The following XPOT variants were observed in gnomAD, a reference collection of about 807,000 sequenced individuals.
XPOT encodes the protein exportin-T.
XPOT carries 34 observed loss-of-function variants against 128.2 expected under a neutral mutation model. The observed-to-expected ratio is 0.27, with a 90% CI of 0.20 to 0.35. The LOEUF (loss-of-function observed/expected upper bound fraction) is 0.35. XPOT is among the 10% of genes least tolerant of loss of function. The pLI is 1.00. For synonymous variants in XPOT, 348 were observed against 394.3 expected, an observed-to-expected ratio of 0.88 and a Z score of 1.39; for missense variants, 838 against 1,125.3, an observed-to-expected ratio of 0.74 and a Z score of 3.65.
intron 9 of XPOT, 147 bp from the exon 10 acceptor site, chr12:64,422,858 G>T: frequency 1.6e-6 from 1 of 632,958 alleles, no homozygotes. Flanking sequence ...AGCCATGACT[G>T]CGCCACTGCA....
At chr12:64,430,958 TG>T (rs1459207984) in intron 17 of XPOT, among the ~76,000 whole-genome samples, 1 of 152,076 alleles carries the variant, frequency 6.6e-6, no homozygotes, top group Non-Finnish European at 1.5e-5. Context: ...CTTTTTTTTG[TG>T]GGGGAGACAC....
intron 16 of XPOT, 86 bp downstream of exon 16, chr12:64,428,206 A>G (rs943369225): frequency 9.8e-6 from 9 of 915,414 alleles, no homozygotes; most frequent in Non-Finnish European, 1.5e-5. Context: ...GGCATTTAAA[A>G]AAAAAAATTG....
intron 24 of XPOT, 38 bp downstream of exon 24, chr12:64,445,169 A>C (rs1247295225): frequency 4.0e-6 from 6 of 1,507,628 alleles, no homozygotes; most frequent in Non-Finnish European, 5.5e-6. Context: ...TCATACAATT[A>C]GGTAATGTTT....
At position 64,435,727 on chromosome 12, in the gene XPOT, A is replaced by G. The variant is rs113614974; in HGVS notation, c.2733+53A>G. 341 of 1,522,446 alleles carry G rather than the reference A, an allele frequency of 2.2e-4. No individual in the cohort carries two copies. The African/African-American group carries it at 4.2e-3, about 19-fold the overall frequency. 94.3% of individuals were successfully genotyped at this position (1,522,446 alleles called of 1,614,324 possible). On this transcript the variant is annotated intron_variant, in intron 22 of 24. Coordinates refer to ENST00000332707, the MANE Select transcript of XPOT (RefSeq NM_007235.6). ...TTTTCATCTCACATGTGGTATTATT[A>G]TCTTGTTCTTGAAAGATGTATCTTG...
Position 64,416,729 on chromosome 12 carries a change from G to A in XPOT, c.175G>A (p.Val59Ile). ...DDHVKFFCFQ[V>I]LEHQVKYKYS... ...TCATGTGAAGTTTTTCTGCTTTCAAGTACTGGAACATCAAGTTAAATACAA... is the reference window on the plus strand; with the variant it reads ...TCATGTGAAGTTTTTCTGCTTTCAAATACTGGAACATCAAGTTAAATACAA... Residue 59 changes from valine to isoleucine, a missense_variant, in exon 4 of 25, where the codon GTA (valine) becomes ATA (isoleucine). By Grantham distance (29) the Val-to-Ile change is conservative (BLOSUM62 3). Transcript: ENST00000332707. The A allele has an allele frequency of 6.2e-7, 1 of 1,613,312 alleles. No homozygotes were observed. Among genetic ancestry groups the A allele is most frequent in the Non-Finnish European group, 8.5e-7 (1 of 1,179,716 alleles).
intron 12 of XPOT, 65 bp from the exon 13 acceptor site, chr12:64,424,973 C>T: frequency 3.1e-6 from 5 of 1,588,270 alleles, no homozygotes; most frequent in Admixed American, 1.7e-5. Flanking sequence ...GTGTCTTACC[C>T]TGTGCATAAT....
At chr12:64,435,743 A>T in intron 22 of XPOT, 69 bp downstream of exon 22, 1 of 1,451,820 alleles carries the variant, frequency 6.9e-7, no homozygotes, top group Non-Finnish European at 9.3e-7. Context: ...TTCTTGAAAG[A>T]TGTATCTTGT....
chr12:64,440,326 T>TG (rs1565804166), intron 23 of XPOT, among the ~76,000 whole-genome samples: 2 of 152,232 alleles, frequency 1.3e-5, no homozygotes, highest in African/African-American at 4.8e-5. Context: ...CTGAATAACA[T>TG]GCCACTGTAT....
rs775049372 is a variant in XPOT at position 64,430,132 on chromosome 12, A to G, written c.1821A>G (p.Glu607=). 6.2e-7 allele frequency: 1 copy of G among 1,613,954 alleles called. No individual in the cohort carries two copies. Among genetic ancestry groups the G allele is most frequent in the Admixed American group, 1.7e-5 (1 of 60,002 alleles). The part of the protein sequence containing the change: ...ETAGVLIVNS[E]YPAERKQALM... Reference sequence around the variant, plus strand: ...CTGGAGTGCTGATTGTTAATAGTGAATATCCGGCAGAAAGGAAACAAGCCT... The same window carrying G: ...CTGGAGTGCTGATTGTTAATAGTGAGTATCCGGCAGAAAGGAAACAAGCCT... The change falls in exon 17 of 25, where the codon GAA becomes GAG. Residue 607 remains glutamate, a synonymous_variant. Transcript: ENST00000332707.
At chr12:64,420,320 G>A (rs776155551) in intron 7 of XPOT, 33 bp from the exon 8 acceptor site, 6 of 1,602,074 alleles carry the variant, frequency 3.7e-6, no homozygotes, top group Non-Finnish European at 4.3e-6. Flanking sequence ...TCATGACTTT[G>A]AAAATGTTAC....
chr12:64,430,414 C>T (rs1297512453), intron 17 of XPOT, 127 bp downstream of exon 17: 15 of 805,854 alleles, frequency 1.9e-5, no homozygotes, highest in Middle Eastern at 2.4e-4. Flanking sequence ...AATCTTTGTC[C>T]TCCAAATCCA....
chr12:64,443,653 C>G (rs1462930739), intron 23 of XPOT, among the ~76,000 whole-genome samples: 1 of 152,214 alleles, frequency 6.6e-6, no homozygotes, highest in East Asian at 1.9e-4. Context: ...TGGGGTTCCA[C>G]CATGTTGGCT....
Position 64,409,971 on chromosome 12 carries a change from A to T in XPOT, c.-65A>T. The T allele has an allele frequency of 7.3e-7, 1 of 1,377,098 alleles. No individual in the cohort carries two copies. The highest frequency in any genetic ancestry group is 1.0e-6 in the Non-Finnish European group (1 of 974,898). 85.3% of individuals were successfully genotyped at this position (1,377,098 alleles called of 1,614,324 possible). A position where few individuals can be genotyped will look rare whatever the true frequency, so the allele number is the denominator to read the frequency against. ...TTGTTTTTTGTGGCAGATGTTTATA[A>T]ATTCTTCTGTGGGATCAGAGGGCAC... On this transcript the variant is annotated 5_prime_UTR_variant, in exon 2 of 25. Coordinates refer to ENST00000332707, the MANE Select transcript of XPOT (RefSeq NM_007235.6).
Position 64,423,212 on chromosome 12 carries a change from A to G in XPOT, c.1150A>G (p.Thr384Ala). 1 of 1,595,920 alleles carries G rather than the reference A, an allele frequency of 6.3e-7. No homozygotes were observed. Among genetic ancestry groups the G allele is most frequent in the Middle Eastern group, 1.8e-4 (1 of 5,588 alleles). ...AIMLAVMKKL[T>A]YDEEYNFENE... ...CATGTTGGCCGTTATGAAAAAATTG[A>G]CTTACGATGAAGAATATAACTTTGA... is the stretch of plus-strand genomic sequence containing the variant. The change falls in exon 11 of 25, where the codon ACT becomes GCT. Residue 384 changes from threonine (T) to alanine (A), a missense_variant. Around this residue, in one of 3 missense-constraint regions of XPOT, gnomAD observed 761 missense variants for 988.3 expected, o/e 0.77. Coordinates refer to ENST00000332707, the MANE Select transcript of XPOT (RefSeq NM_007235.6).
chr12:64,435,218 C>T (rs535187699), intron 21 of XPOT, among the ~76,000 whole-genome samples: 1 of 152,294 alleles, frequency 6.6e-6, no homozygotes, highest in African/African-American at 2.4e-5. Context: ...CCTACTACTA[C>T]TTTAATTCTA....
intron 23 of XPOT, 90 bp downstream of exon 23, chr12:64,439,405 A>G: frequency 8.5e-7 from 1 of 1,173,776 alleles, no homozygotes; most frequent in South Asian, 1.3e-5. Flanking sequence ...AATCAAAAAT[A>G]TTTTCATATT....
At chr12:64,412,606 A>G (rs2040048848) in intron 2 of XPOT, among the ~76,000 whole-genome samples, 1 of 152,174 alleles carries the variant, frequency 6.6e-6, no homozygotes, top group African/African-American at 2.4e-5. Context: ...CTTAACTTCT[A>G]AAGAGAGACA....
chr12:64,415,923 A>G (rs2040083817), intron 3 of XPOT, among the ~76,000 whole-genome samples: 1 of 152,214 alleles, frequency 6.6e-6, no homozygotes, highest in African/African-American at 2.4e-5. Flanking sequence ...GCCATGTCAA[A>G]TATGTACAAG....
Position 64,448,781 on chromosome 12 carries a change from AGT to A in XPOT, c.*656_*657del. On this transcript the variant is annotated 3_prime_UTR_variant, in exon 25 of 25. Coordinates refer to ENST00000332707, the MANE Select transcript of XPOT (RefSeq NM_007235.6). ...TCCCATTTAAAGGTTTACAAATATG[AGT>A]GTGTGGATGCTTTAATTCATTTAAC... is the stretch of plus-strand genomic sequence containing the variant. 6.6e-6 allele frequency: 1 copy of A among 152,218 alleles called. No individual in the cohort carries two copies. Among genetic ancestry groups the A allele is most frequent in the East Asian group, 1.9e-4 (1 of 5,194 alleles). 9.4% of individuals were successfully genotyped at this position (152,218 alleles called of 1,614,324 possible). A position where few individuals can be genotyped will look rare whatever the true frequency, so the allele number is the denominator to read the frequency against.
Sources: allele counts gnomAD v4.1 joint callset (sites outside exome capture counted in the v4.1 genomes callset), GRCh38; gene constraint gnomAD v4.1.1; regional missense constraint gnomAD v4.1.1; transcripts MANE v1.5; gene names NCBI Gene and HGNC (gene_info 2026-07-23, HGNC 2026-07-21).